CNTNAP5: variants seen among roughly 807,000 people sequenced by gnomAD.
CNTNAP5 encodes the protein contactin associated protein family member 5.
CNTNAP5 carries 72 observed loss-of-function variants against 150.2 expected under a neutral mutation model. The observed-to-expected ratio is 0.48, with a 90% CI of 0.40 to 0.58. The LOEUF is 0.58. CNTNAP5 is among the 20% of genes least tolerant of loss of function. CNTNAP5 has a pLI of 0.00. For synonymous variants in CNTNAP5, 672 were observed against 619.8 expected (o/e 1.08, Z -1.25); for missense variants, 1,636 against 1,626.2 (o/e 1.01, Z -0.10).
intron 1 of CNTNAP5, among the ~76,000 whole-genome samples, chr2:124,089,489 CT>C: frequency 6.6e-6 from 1 of 152,212 alleles, no homozygotes; most frequent in Admixed American, 6.5e-5. Context: ...CCACATGTGG[CT>C]CACTTACCAG....
intron 3 of CNTNAP5, among the ~76,000 whole-genome samples, chr2:124,400,683 T>G (rs869129199): frequency 1.6e-4 from 20 of 124,712 alleles, no homozygotes; most frequent in South Asian, 1.5e-3. Flanking sequence ...TTTTTTTTTT[T>G]TTTTTGTTTT....
At position 124,387,658 on chromosome 2, in the gene CNTNAP5, T is replaced by C. The variant is rs1030617664; in HGVS notation, c.382-29785T>C. 4.6e-5 allele frequency among the ~76,000 whole-genome samples: 7 copies of C among 152,252 alleles called. No individual in the cohort carries two copies. The East Asian group carries it at 1.4e-3, about 29-fold the overall frequency. On this transcript the variant is annotated intron_variant, in intron 3 of 23. Coordinates refer to ENST00000682447, the MANE Select transcript of CNTNAP5 (RefSeq NM_001367498.1). ...AGGGTGGGGGAGATTACAAAGTACA[T>C]TGATCAGTTAGGGTGGGGCAGGAAC...
At chr2:124,347,887 C>G (rs566781018) in intron 3 of CNTNAP5, among the ~76,000 whole-genome samples, 6 of 151,294 alleles carry the variant, frequency 4.0e-5, no homozygotes, top group Admixed American at 2.0e-4. Context: ...TGCAGTGGCA[C>G]GAACTCCGCT....
At chr2:124,058,220 C>T (rs1437219587) in intron 1 of CNTNAP5, among the ~76,000 whole-genome samples, 1 of 152,050 alleles carries the variant, frequency 6.6e-6, no homozygotes, top group Non-Finnish European at 1.5e-5. Flanking sequence ...AATTTGGGAA[C>T]GTGTAACAAT....
chr2:124,176,431 G>A (rs1054959913), intron 1 of CNTNAP5, among the ~76,000 whole-genome samples: 2 of 152,266 alleles, frequency 1.3e-5, no homozygotes, highest in East Asian at 1.9e-4. Flanking sequence ...CACTCAATTG[G>A]ATAGTATAGG....
intron 4 of CNTNAP5, among the ~76,000 whole-genome samples, chr2:124,428,087 T>C (rs370759763): frequency 6.6e-6 from 1 of 152,306 alleles, no homozygotes; most frequent in East Asian, 1.9e-4. Context: ...CCCTGCACTT[T>C]GTCTCTCTCC....
intron 12 of CNTNAP5, 66 bp from the exon 13 acceptor site, chr2:124,647,692 G>A: frequency 6.9e-7 from 1 of 1,454,024 alleles, no homozygotes; most frequent in Admixed American, 2.1e-5. Context: ...CCATCACACT[G>A]CTCACATGCT....
At chr2:124,826,444 G>A (rs1399839557) in intron 19 of CNTNAP5, among the ~76,000 whole-genome samples, 2 of 152,088 alleles carry the variant, frequency 1.3e-5, no homozygotes, top group Admixed American at 6.6e-5. Flanking sequence ...TAGATGAAGT[G>A]TGGAGCTTCC....
intron 8 of CNTNAP5, among the ~76,000 whole-genome samples, chr2:124,516,951 G>A (rs1694733054): frequency 6.6e-6 from 1 of 152,156 alleles, no homozygotes. Flanking sequence ...TAACTCAATG[G>A]TTCTGAGCCA....
At chr2:124,123,324 G>C (rs568927239) in intron 1 of CNTNAP5, among the ~76,000 whole-genome samples, 2 of 152,096 alleles carry the variant, frequency 1.3e-5, no homozygotes, top group East Asian at 3.9e-4. Context: ...GTCTGAGATC[G>C]AACTGCAAAA....
chr2:124,465,809 C>T (rs1693364398), intron 6 of CNTNAP5, among the ~76,000 whole-genome samples: 1 of 152,006 alleles, frequency 6.6e-6, no homozygotes, highest in African/African-American at 2.4e-5. Flanking sequence ...AGAATAAACA[C>T]AAGTAAGTGA....
chr2:124,352,434 G>T (rs577821190), intron 3 of CNTNAP5, among the ~76,000 whole-genome samples: 2 of 152,290 alleles, frequency 1.3e-5, no homozygotes, highest in East Asian at 3.9e-4. Flanking sequence ...CATAAAGAAG[G>T]TGAGTGTTGG....
Position 124,904,065 on chromosome 2 carries a change from C to CA in CNTNAP5, c.3655+978dup, listed in dbSNP as rs139680306. On this transcript the variant is annotated intron_variant, in intron 22 of 23. Transcript: ENST00000682447. ...TGAGACTCTGTTTCAAAAAAAAAAA[C>CA]AAAAAAAAAAAAACCAAAATGTATC... 2.6e-3 allele frequency among the ~76,000 whole-genome samples: 318 copies of CA among 123,914 alleles called. 6 individuals are homozygous for CA. The highest frequency in any genetic ancestry group is 5.4e-3 in the Admixed American group (64 of 11,830). 81.3% of individuals were successfully genotyped at this position (123,914 alleles called of 152,430 possible). A position where few individuals can be genotyped will look rare whatever the true frequency, so the allele number is the denominator to read the frequency against.
At chr2:124,250,022 T>C (rs987444073) in intron 3 of CNTNAP5, among the ~76,000 whole-genome samples, 3 of 152,014 alleles carry the variant, frequency 2.0e-5, no homozygotes, top group African/African-American at 4.8e-5. Context: ...TTTTCTTATA[T>C]AGATTATCTC....
chr2:124,667,714 C>T (rs141746582), intron 13 of CNTNAP5, among the ~76,000 whole-genome samples: 315 of 152,328 alleles, frequency 2.1e-3, no homozygotes, highest in African/African-American at 7.2e-3. Flanking sequence ...ATTTTTTAAG[C>T]AGTAGCCATT....
intron 5 of CNTNAP5, among the ~76,000 whole-genome samples, chr2:124,444,049 T>G (rs564141183): frequency 5.7e-4 from 87 of 152,262 alleles, no homozygotes; most frequent in African/African-American, 1.6e-3. Flanking sequence ...TCAGCCAATG[T>G]TAGCTCCTGA....
chr2:124,786,348 A>AAAGG (rs1359459463), intron 17 of CNTNAP5, among the ~76,000 whole-genome samples: 15 of 103,658 alleles, frequency 1.4e-4, no homozygotes, highest in African/African-American at 6.1e-4. Flanking sequence ...AGAAAGAAAG[A>AAAGG]AAGGAAGAAA....
intron 1 of CNTNAP5, among the ~76,000 whole-genome samples, chr2:124,042,591 A>T (rs1015737369): frequency 1.3e-5 from 2 of 152,124 alleles, no homozygotes; most frequent in South Asian, 4.1e-4. Flanking sequence ...ATTTTATACC[A>T]GTTTTAGGTT....
At chr2:124,355,319 G>A (rs546931845) in intron 3 of CNTNAP5, among the ~76,000 whole-genome samples, 1 of 152,104 alleles carries the variant, frequency 6.6e-6, no homozygotes, top group Non-Finnish European at 1.5e-5. Context: ...GTTTGCCATT[G>A]GTAGAAATCT....
Sources: gnomAD v4.1 joint callset for allele counts (sites outside exome capture counted in the v4.1 genomes callset) on GRCh38, gnomAD v4.1.1 for gene constraint, MANE v1.5 for transcripts, NCBI Gene and HGNC (gene_info 2026-07-23, HGNC 2026-07-21) for gene names.